The following GPR158 variants were observed in gnomAD, a reference collection of about 807,000 sequenced individuals.
GPR158 encodes the protein metabotropic glycine receptor.
In GPR158, 30 loss-of-function variants were observed where a neutral mutation model predicts 78.2. That is an observed-to-expected ratio of 0.38 (90% CI 0.29 to 0.52). The LOEUF is 0.52. GPR158 is among the 20% of genes least tolerant of loss of function. The pLI is 0.83. For missense variants in GPR158, 1,463 were observed against 1,523.5 expected (o/e 0.96, Z 0.66); for synonymous variants, 581 against 591.1 (o/e 0.98, Z 0.25).
At chr10:25,286,533 T>C (rs1588775692) in intron 2 of GPR158, among the ~76,000 whole-genome samples, 1 of 151,932 alleles carries the variant, frequency 6.6e-6, no homozygotes, top group Non-Finnish European at 1.5e-5. Flanking sequence ...AAACAGTCTC[T>C]CTAATAGTTA....
chr10:25,580,275 A>G (rs537910747), intron 7 of GPR158, among the ~76,000 whole-genome samples: 61 of 152,350 alleles, frequency 4.0e-4, no homozygotes, highest in Middle Eastern at 3.4e-3. Context: ...CACATAATAT[A>G]AAATATTGCC....
chr10:25,359,497 G>C (rs531389970), intron 2 of GPR158, among the ~76,000 whole-genome samples: 1 of 152,212 alleles, frequency 6.6e-6, no homozygotes, highest in East Asian at 1.9e-4. Context: ...TTACGAGTGA[G>C]AATATGTGGT....
chr10:25,243,456 A>G (rs1458814457), intron 2 of GPR158, among the ~76,000 whole-genome samples: 1 of 152,198 alleles, frequency 6.6e-6, no homozygotes, highest in Non-Finnish European at 1.5e-5. Flanking sequence ...CTTTCCCACA[A>G]TGCTATCCTT....
At chr10:25,262,624 C>T (rs1381238227) in intron 2 of GPR158, among the ~76,000 whole-genome samples, 2 of 151,878 alleles carry the variant, frequency 1.3e-5, no homozygotes, top group East Asian at 3.9e-4. Flanking sequence ...TATGGAGTTC[C>T]TATATACCCT....
chr10:25,562,533 C>A (rs1316819813), intron 6 of GPR158, among the ~76,000 whole-genome samples: 1 of 152,106 alleles, frequency 6.6e-6, no homozygotes. Flanking sequence ...ACTTCCTTAA[C>A]CCATTCGTTA....
At chr10:25,525,054 A>C (rs569318464) in intron 5 of GPR158, among the ~76,000 whole-genome samples, 1 of 152,374 alleles carries the variant, frequency 6.6e-6, no homozygotes, top group Admixed American at 6.5e-5. Flanking sequence ...AATGCAAATC[A>C]AAACCACAAT....
At chr10:25,214,486 A>G (rs1853179291) in intron 1 of GPR158, among the ~76,000 whole-genome samples, 1 of 152,108 alleles carries the variant, frequency 6.6e-6, no homozygotes, top group Non-Finnish European at 1.5e-5. Flanking sequence ...TATCAAAAGT[A>G]AGGAGCTAAT....
intron 2 of GPR158, among the ~76,000 whole-genome samples, chr10:25,344,109 G>A (rs534066034): frequency 2.6e-5 from 4 of 151,928 alleles, no homozygotes; most frequent in African/African-American, 9.6e-5. Flanking sequence ...CTGCTTTAAA[G>A]GTTCAACCAG....
intron 2 of GPR158, among the ~76,000 whole-genome samples, chr10:25,284,472 AT>A (rs372365706): frequency 0.012 from 1,826 of 151,414 alleles, 26 homozygotes; most frequent in South Asian, 0.057. Context: ...TTGGAATAAT[AT>A]TTTTTTTCTG....
chr10:25,283,828 A>G (rs968983399), intron 2 of GPR158, among the ~76,000 whole-genome samples: 2 of 152,020 alleles, frequency 1.3e-5, no homozygotes, highest in African/African-American at 2.4e-5. Flanking sequence ...TTAGTTCAAA[A>G]TATATTTAAA....
intron 8 of GPR158, among the ~76,000 whole-genome samples, chr10:25,590,660 G>A (rs1014191604): frequency 2.0e-5 from 3 of 152,018 alleles, no homozygotes; most frequent in African/African-American, 7.2e-5. Flanking sequence ...TTAACAAATC[G>A]ACTAACAAAT....
intron 2 of GPR158, among the ~76,000 whole-genome samples, chr10:25,368,616 T>G (rs565083351): frequency 6.6e-6 from 1 of 151,934 alleles, no homozygotes; most frequent in African/African-American, 2.4e-5. Context: ...GAAAAAGGAC[T>G]GCTTATACTC....
At chr10:25,197,813 C>G (rs1425414457) in intron 1 of GPR158, among the ~76,000 whole-genome samples, 4 of 152,198 alleles carry the variant, frequency 2.6e-5, no homozygotes, top group African/African-American at 9.7e-5. Context: ...TCCTCTCTCT[C>G]TCCTAGGACT....
intron 4 of GPR158, among the ~76,000 whole-genome samples, chr10:25,450,957 T>G (rs1245960534): frequency 6.9e-6 from 1 of 145,086 alleles, no homozygotes; most frequent in Non-Finnish European, 1.5e-5. Flanking sequence ...CCTTGGAACT[T>G]TTTGCCTGTC....
chr10:25,545,963 CTGA>C (rs1296096943), intron 5 of GPR158, among the ~76,000 whole-genome samples: 1 of 152,100 alleles, frequency 6.6e-6, no homozygotes, highest in East Asian at 1.9e-4. Flanking sequence ...CCAAGGAGAG[CTGA>C]TGAGTGCAAC....
chr10:25,466,752 A>G (rs372060347), intron 5 of GPR158, 33 bp downstream of exon 5: 2 of 1,242,732 alleles, frequency 1.6e-6, no homozygotes, highest in Non-Finnish European at 2.3e-6. Context: ...TAAAGTAGAA[A>G]TTTATTTTAT....
At chr10:25,590,748 A>G (rs548406476) in intron 8 of GPR158, among the ~76,000 whole-genome samples, 50 of 152,202 alleles carry the variant, frequency 3.3e-4, no homozygotes, top group African/African-American at 1.0e-3. Flanking sequence ...AATGTCTTCT[A>G]TGGTCAAAAT....
chr10:25,469,266 T>C (rs1835462496), intron 5 of GPR158, among the ~76,000 whole-genome samples: 1 of 152,256 alleles, frequency 6.6e-6, no homozygotes, highest in Non-Finnish European at 1.5e-5. Flanking sequence ...AGCCCAAACC[T>C]TTCTCCTGAG....
intron 2 of GPR158, among the ~76,000 whole-genome samples, chr10:25,320,134 G>A (rs1406336333): frequency 6.6e-6 from 1 of 152,124 alleles, no homozygotes; most frequent in Non-Finnish European, 1.5e-5. Flanking sequence ...CTGCCTTTAA[G>A]CATAGTTTCC....
Sources: gnomAD v4.1 joint callset for allele counts (sites outside exome capture counted in the v4.1 genomes callset) on GRCh38, gnomAD v4.1.1 for gene constraint, MANE v1.5 for transcripts, NCBI Gene and HGNC (gene_info 2026-07-23, HGNC 2026-07-21) for gene names.